TIMP1: variants seen among roughly 807,000 people sequenced by gnomAD.
TIMP1 encodes the protein TIMP metallopeptidase inhibitor 1, also known as metalloproteinase inhibitor 1.
In TIMP1, 5 loss-of-function variants were observed where a neutral mutation model predicts 13.7. The ratio of observed to expected loss-of-function variants is 0.36; its 90% CI spans 0.19 to 0.76. TIMP1 has a LOEUF of 0.76. TIMP1 is among the 30% of genes least tolerant of loss of function. The pLI, the probability that TIMP1 is intolerant of heterozygous loss-of-function variation, is 0.51. For synonymous variants in TIMP1, 63 were observed against 67.1 expected, an observed-to-expected ratio of 0.94 and a Z score of 0.30; for missense variants, 131 against 168.4, an observed-to-expected ratio of 0.78 and a Z score of 1.23.
chrX:47,585,341 C>G lies in TIMP1; in HGVS notation c.328+10C>G. On this transcript the variant is annotated intron_variant, in intron 4 of 5. Coordinates refer to ENST00000218388, the MANE Select transcript of TIMP1 (RefSeq NM_003254.3). ...GAGTTTCTCATTGCTGGTGAGGCAC[C>G]GTCCCCGCGCCCTGTGCCACACCAA... 8.3e-7 allele frequency: 1 copy of G among 1,211,289 alleles called. No individual in the cohort carries two copies. Among genetic ancestry groups the G allele is most frequent in the Non-Finnish European group, 1.1e-6 (1 of 895,265 alleles).
At chrX:47,585,814 T>C in intron 5 of TIMP1, 147 bp downstream of exon 5, 1 of 1,153,397 alleles carries the variant, frequency 8.7e-7, no homozygotes. Flanking sequence ...TCTCTTGCTA[T>C]TTCCCCAAGC....
In TIMP1 at chrX:47,586,750, C is replaced by T; in HGVS notation, c.*59C>T. The stretch of plus-strand genomic sequence containing the variant: ...GTGTCCACCCTGTTCCCACTCCCAT[C>T]TTTCTTCCGGACAATGAAATAAAGA... On this transcript the variant is annotated 3_prime_UTR_variant, in exon 6 of 6. Transcript: ENST00000218388. The T allele has an allele frequency of 2.6e-6, 3 of 1,153,311 alleles. No homozygotes were observed. Among genetic ancestry groups the T allele is most frequent in the Non-Finnish European group, 3.5e-6 (3 of 859,487 alleles).
rs1414080131 is a variant in TIMP1 at position 47,585,562 on chromosome X, C to T, written c.348C>T (p.Leu116=). The T allele has an allele frequency of 8.3e-7, 1 of 1,198,735 alleles. No individual in the cohort carries two copies. Among genetic ancestry groups the T allele is most frequent in the Non-Finnish European group, 1.1e-6 (1 of 889,033 alleles). The change falls in exon 5 of 6, where the codon CTC becomes CTT. Residue 116 remains leucine (L), a synonymous_variant. Transcript: ENST00000218388. ...FLIAGKLQDG[L]LHITTCSFVA... is the part of the protein sequence containing the mutation. ...CCTTAGGAAAACTGCAGGATGGACT[C>T]TTGCACATCACTACCTGCAGTTTTG...
chrX:47,583,322 G>T lies in TIMP1; in HGVS notation c.-8-86G>T, dbSNP rs1005663832. On this transcript the variant is annotated intron_variant, in intron 1 of 5. Transcript: ENST00000218388. ...AGCCCCCTAATCCCCCCCATAGGCTGCCCCGGGGCAAGATGGGGTGGATGA... is the reference window on the plus strand; with the variant it reads ...AGCCCCCTAATCCCCCCCATAGGCTTCCCCGGGGCAAGATGGGGTGGATGA... 5.5e-5 allele frequency: 49 copies of T among 894,434 alleles called. 1 individual carries two copies. The African/African-American group carries it at 7.7e-4, about 14-fold the overall frequency. 73.7% of individuals were successfully genotyped at this position (894,434 alleles called of 1,213,427 possible). A position where few individuals can be genotyped will look rare whatever the true frequency, so the allele number is the denominator to read the frequency against.
intron 3 of TIMP1, 55 bp downstream of exon 3, chrX:47,585,070 A>C (rs2057817333): frequency 3.4e-6 from 4 of 1,188,006 alleles, no homozygotes; most frequent in Middle Eastern, 2.3e-4. Context: ...CCTCCTGGTC[A>C]AAACAGAAAC....
intron 2 of TIMP1, among the ~76,000 whole-genome samples, chrX:47,584,014 G>A (rs2057811532): frequency 9.0e-6 from 1 of 111,686 alleles, no homozygotes; most frequent in South Asian, 3.7e-4. Flanking sequence ...GCATGGGCCA[G>A]TGGGAATGTG....
At chrX:47,582,545 C>G (rs774833480) in intron 1 of TIMP1, 71 bp downstream of exon 1, 1 of 354,154 alleles carries the variant, frequency 2.8e-6, no homozygotes. Flanking sequence ...CCACCAGGCC[C>G]GTGCACTCCC....
chrX:47,584,842 T>C (rs1368737390), intron 2 of TIMP1, 94 bp from the exon 3 acceptor site: 40 of 751,066 alleles, frequency 5.3e-5, no homozygotes, highest in Non-Finnish European at 7.4e-5. Flanking sequence ...TATTTATGTA[T>C]GCGCTTTGCT....
intron 1 of TIMP1, 58 bp from the exon 2 acceptor site, chrX:47,583,350 T>G (rs2057807872): frequency 4.4e-6 from 5 of 1,125,818 alleles, no homozygotes; most frequent in Non-Finnish European, 5.9e-6. Flanking sequence ...GTGGATGACC[T>G]GCCCAGGTCA....
intron 1 of TIMP1, 79 bp from the exon 2 acceptor site, chrX:47,583,329 G>A: frequency 1.0e-6 from 1 of 999,221 alleles, no homozygotes; most frequent in Non-Finnish European, 1.3e-6. Context: ...GCTGCCCCGG[G>A]GCAAGATGGG....
At chrX:47,584,374 G>A (rs992126575) in intron 2 of TIMP1, among the ~76,000 whole-genome samples, 1 of 109,777 alleles carries the variant, frequency 9.1e-6, no homozygotes, top group African/African-American at 3.3e-5. Context: ...AGAATATAGG[G>A]GTTCTTGCTA....
Position 47,582,478 on chromosome X carries a change from A to G in TIMP1, c.-9+4A>G, listed in dbSNP as rs1379028848. 2 of 284,447 alleles carry G rather than the reference A, an allele frequency of 7.0e-6. No homozygotes were observed. The highest frequency in any genetic ancestry group is 1.4e-5 in the Non-Finnish European group (2 of 140,589). 23.4% of individuals were successfully genotyped at this position (284,447 alleles called of 1,213,427 possible). A position where few individuals can be genotyped will look rare whatever the true frequency, so the allele number is the denominator to read the frequency against. On this transcript the variant is annotated splice_donor_region_variant and intron_variant, in intron 1 of 5. Transcript: ENST00000218388. The stretch of plus-strand genomic sequence containing the variant: ...AGCGCCCAGAGAGACACCAGAGGTA[A>G]GCAGGGCCCGGGGTGGCCCAGCAGG...
intron 5 of TIMP1, chrX:47,585,959 C>T (rs1402948709): frequency 9.3e-7 from 1 of 1,072,720 alleles, no homozygotes. Flanking sequence ...TCCTGAGCCC[C>T]CGGGATTGTT....
rs1474205756 is a variant in TIMP1, at chrX:47,585,315, G to A, written c.312G>A (p.Glu104=). 2.5e-6 allele frequency: 3 copies of A among 1,210,211 alleles called. No homozygotes were observed. The highest frequency in any genetic ancestry group is 3.4e-6 in the Non-Finnish European group (3 of 895,196). ...GYFHRSHNRS[E]EFLIAGKLQD... is the part of the protein sequence containing the mutation. ...TCCACAGGTCCCACAACCGCAGCGA[G>A]GAGTTTCTCATTGCTGGTGAGGCAC... Residue 104 remains glutamate (E), a synonymous_variant, in exon 4 of 6, where the codon GAG becomes GAA. Coordinates refer to ENST00000218388, the MANE Select transcript of TIMP1 (RefSeq NM_003254.3).
At position 47,586,734 on chromosome X, in the gene TIMP1, CT is replaced by C. The variant is rs774917978; in HGVS notation, c.*44del. ...AGCTGAAGCCTGCACAGTGTCCACC[CT>C]GTTCCCACTCCCATCTTTCTTCCGG... On this transcript the variant is annotated 3_prime_UTR_variant, in exon 6 of 6. Transcript: ENST00000218388. 13 of 1,169,081 alleles carry C rather than the reference CT, an allele frequency of 1.1e-5. No individual in the cohort carries two copies. Among genetic ancestry groups the C allele is most frequent in the Non-Finnish European group, 1.4e-5 (12 of 871,243 alleles).
rs774396901 is a variant in TIMP1, at chrX:47,585,208, T to C, written c.205T>C (p.Tyr69His). The change falls in exon 4 of 6, where the codon TAT (tyrosine) becomes CAT (histidine). Residue 69 changes from tyrosine (Y) to histidine (H), a missense_variant. Transcript: ENST00000218388. ...QRYEIKMTKM[Y>H]KGFQALGDAA... Reference sequence around the variant, plus strand: ...ACTTCCCCTCATCCATCAACAGATGTATAAAGGGTTCCAAGCCTTAGGGGA... The same window carrying C: ...ACTTCCCCTCATCCATCAACAGATGCATAAAGGGTTCCAAGCCTTAGGGGA... The C allele has an allele frequency of 8.4e-7, 1 of 1,185,677 alleles. No individual in the cohort carries two copies. The highest frequency in any genetic ancestry group is 2.4e-4 in the Middle Eastern group (1 of 4,228).
intron 1 of TIMP1, among the ~76,000 whole-genome samples, chrX:47,583,196 TC>T (rs2057807142): frequency 1.3e-5 from 1 of 77,693 alleles, no homozygotes; most frequent in Non-Finnish European, 2.4e-5. Flanking sequence ...ACTCAGTCCC[TC>T]AATAATTTAA....
At chrX:47,582,660 C>A in intron 1 of TIMP1, 186 bp downstream of exon 1, 1 of 318,036 alleles carries the variant, frequency 3.1e-6, no homozygotes, top group South Asian at 2.9e-5. Context: ...AACCCCGAGG[C>A]TCCAAACTCC....
At chrX:47,585,826 C>T (rs1239762984) in intron 5 of TIMP1, 159 bp downstream of exon 5, 7 of 1,150,405 alleles carry the variant, frequency 6.1e-6, no homozygotes, top group Non-Finnish European at 6.9e-6. Flanking sequence ...TCCCCAAGCC[C>T]GAGACTGCTC....
Sources: allele counts gnomAD v4.1 joint callset (sites outside exome capture counted in the v4.1 genomes callset), GRCh38; gene constraint gnomAD v4.1.1; transcripts MANE v1.5; gene names NCBI Gene and HGNC (gene_info 2026-07-23, HGNC 2026-07-21).